The following SEL1L3 variants were observed in gnomAD, a reference collection of about 807,000 sequenced individuals.
SEL1L3 encodes the protein protein sel-1 homolog 3.
SEL1L3 carries 76 observed loss-of-function variants against 142.8 expected under a neutral mutation model. The ratio of observed to expected loss-of-function variants is 0.53; its 90% CI spans 0.44 to 0.64. The LOEUF (loss-of-function observed/expected upper bound fraction) is 0.64, where lower values mean the gene tolerates loss of function less well. Ranked by LOEUF, SEL1L3 falls within the 30% of genes least tolerant of loss-of-function variation. The pLI is 0.00. For synonymous variants in SEL1L3, 504 were observed against 519.6 expected, an observed-to-expected ratio of 0.97 and a Z score of 0.41; for missense variants, 1,262 against 1,381.7, an observed-to-expected ratio of 0.91 and a Z score of 1.37.
chr4:25,738,545 G>T, the SEL1L3 span, among the ~76,000 whole-genome samples: 7 of 152,312 alleles, frequency 4.6e-5, no homozygotes, highest in Middle Eastern at 6.8e-3. Flanking sequence ...AAGTGCAAAA[G>T]ATTATATTGT....
intron 15 of SEL1L3, among the ~76,000 whole-genome samples, chr4:25,780,820 TA>T (rs1322661550): frequency 5.0e-4 from 60 of 120,542 alleles, no homozygotes; most frequent in Non-Finnish European, 8.8e-4. Context: ...AATATATATA[TA>T]TTTTATATAT....
the SEL1L3 span, among the ~76,000 whole-genome samples, chr4:25,736,119 G>A: frequency 6.6e-6 from 1 of 151,762 alleles, no homozygotes; most frequent in Non-Finnish European, 1.5e-5. Context: ...ATGAGCCACC[G>A]TGCCCGGCCA....
At chr4:25,731,562 G>A in the SEL1L3 span, among the ~76,000 whole-genome samples, 2 of 152,216 alleles carry the variant, frequency 1.3e-5, no homozygotes, top group Non-Finnish European at 2.9e-5. Flanking sequence ...GTTAGTTTGC[G>A]TTTTCTAGAA....
chr4:25,774,258 T>G (rs1256788777), intron 17 of SEL1L3, among the ~76,000 whole-genome samples: 1 of 152,158 alleles, frequency 6.6e-6, no homozygotes, highest in African/African-American at 2.4e-5. Context: ...GCAGAAGAGA[T>G]GAGGCAGCAA....
intron 9 of SEL1L3, among the ~76,000 whole-genome samples, chr4:25,817,773 T>A (rs1279456144): frequency 1.3e-5 from 2 of 152,330 alleles, no homozygotes; most frequent in African/African-American, 4.8e-5. Flanking sequence ...GCTAGAAATT[T>A]GCATTTTCAT....
At chr4:25,857,129 G>A (rs889193162) in intron 1 of SEL1L3, among the ~76,000 whole-genome samples, 12 of 152,078 alleles carry the variant, frequency 7.9e-5, no homozygotes, top group African/African-American at 2.7e-4. Context: ...TGCCTTAAAG[G>A]GCCTATTTTT....
intron 9 of SEL1L3, among the ~76,000 whole-genome samples, chr4:25,814,138 T>C (rs935758235): frequency 6.6e-6 from 1 of 152,116 alleles, no homozygotes; most frequent in African/African-American, 2.4e-5. Context: ...TTACAGCCCA[T>C]TTTCTCTTGC....
At chr4:25,862,611 GC>G in intron 1 of SEL1L3, 63 bp downstream of exon 1, 5 of 917,500 alleles carry the variant, frequency 5.4e-6, no homozygotes, top group Admixed American at 4.6e-5. Flanking sequence ...GTCCCCGGCC[GC>G]CCCCACCCGC....
rs900529518 is a variant in SEL1L3, at chr4:25,804,670, A to G, written c.1647T>C (p.Asp549=). 5.0e-6 allele frequency: 8 copies of G among 1,613,512 alleles called. No individual in the cohort carries two copies. In the African/African-American group the frequency reaches 1.1e-4, roughly 22 times the overall value. The change falls in exon 10 of 24, where the codon GAT becomes GAC. Residue 549 remains aspartate, a synonymous_variant. Transcript: ENST00000399878. ...EKAVKRLSSI[D]GLHQISSIVP... ...CGATAGAGCTAATTTGGTGAAGACC[A>G]TCAATGCTAGAGAGTCTCTTTACAG...
chr4:25,833,196 A>T, intron 4 of SEL1L3, 86 bp from the exon 5 acceptor site: 2 of 837,124 alleles, frequency 2.4e-6, no homozygotes, highest in Non-Finnish European at 4.0e-6. Context: ...CAATTGTCCT[A>T]AGAAGCTACA....
chr4:25,863,492 C>CT (rs1360790823), upstream of SEL1L3: 2 of 702,720 alleles, frequency 2.8e-6, no homozygotes, highest in East Asian at 5.4e-5. Flanking sequence ...TGTCTGGTTG[C>CT]TTTTTTGGCC....
chr4:25,857,471 T>C (rs896886423), intron 1 of SEL1L3, among the ~76,000 whole-genome samples: 3 of 152,232 alleles, frequency 2.0e-5, no homozygotes, highest in Admixed American at 6.5e-5. Flanking sequence ...GGGATGGGTG[T>C]GTTAAACCTT....
chr4:25,732,504 G>A, the SEL1L3 span, among the ~76,000 whole-genome samples: 6 of 152,246 alleles, frequency 3.9e-5, no homozygotes, highest in South Asian at 8.3e-4. Flanking sequence ...CATTGCCAAC[G>A]CTAGTCTTTT....
chr4:25,854,324 C>A (rs1010835530), intron 1 of SEL1L3, among the ~76,000 whole-genome samples: 1 of 152,196 alleles, frequency 6.6e-6, no homozygotes, highest in Non-Finnish European at 1.5e-5. Context: ...ATCGCCCAGG[C>A]TCAAGTGCAG....
At chr4:25,733,044 C>T in the SEL1L3 span, among the ~76,000 whole-genome samples, 17 of 150,454 alleles carry the variant, frequency 1.1e-4, no homozygotes, top group East Asian at 1.9e-3. Flanking sequence ...CTGCGCCTGG[C>T]GAGTCCTCTA....
At chr4:25,732,732 TTGTG>T in the SEL1L3 span, among the ~76,000 whole-genome samples, 8 of 151,648 alleles carry the variant, frequency 5.3e-5, no homozygotes, top group South Asian at 1.7e-3. Flanking sequence ...TAAGTGTTCT[TTGTG>T]TGTGTGTGTG....
chr4:25,850,590 CCTA>C (rs1463243891), intron 1 of SEL1L3, among the ~76,000 whole-genome samples: 1 of 152,166 alleles, frequency 6.6e-6, no homozygotes, highest in Non-Finnish European at 1.5e-5. Flanking sequence ...AGGAGTTTAA[CCTA>C]CTAATACACT....
At chr4:25,856,516 G>A (rs1283808286) in intron 1 of SEL1L3, among the ~76,000 whole-genome samples, 1 of 149,164 alleles carries the variant, frequency 6.7e-6, no homozygotes, top group African/African-American at 2.4e-5. Context: ...CCTCATCAAA[G>A]TCAAATTTGA....
chr4:25,817,505 G>A (rs1203938126), intron 9 of SEL1L3, among the ~76,000 whole-genome samples: 1 of 152,224 alleles, frequency 6.6e-6, no homozygotes. Context: ...AGAAGCTGGT[G>A]GCATCTGGGA....
Sources: gnomAD v4.1 joint callset for allele counts (sites outside exome capture counted in the v4.1 genomes callset) on GRCh38, gnomAD v4.1.1 for gene constraint, MANE v1.5 for transcripts, NCBI Gene and HGNC (gene_info 2026-07-23, HGNC 2026-07-21) for gene names.